Variants in GMCL1 observed in about 807,000 individuals in gnomAD.
GMCL1 encodes germ cell-less protein-like 1.
In GMCL1, 54 loss-of-function variants were observed where a neutral mutation model predicts 75.5. The observed-to-expected ratio is 0.71, with a 90% confidence interval of 0.57 to 0.90. The LOEUF is 0.90. Ranked by LOEUF, GMCL1 falls within the 40% of genes least tolerant of loss-of-function variation. The pLI, the probability that GMCL1 is intolerant of heterozygous loss-of-function variation, is 0.00. For missense variants in GMCL1, 537 were observed against 622.7 expected, an observed-to-expected ratio of 0.86 and a Z score of 1.47; for synonymous variants, 210 against 209.6, an observed-to-expected ratio of 1.00 and a Z score of -0.02.
chr2:69,870,339 A>G (rs1675949714), intron 12 of GMCL1, among the ~76,000 whole-genome samples: 1 of 152,092 alleles, frequency 6.6e-6, no homozygotes, highest in African/African-American at 2.4e-5. Flanking sequence ...TACTTACCTT[A>G]CACCAAATAC....
chr2:69,865,376 G>T (rs545529143), intron 11 of GMCL1, among the ~76,000 whole-genome samples: 1 of 152,116 alleles, frequency 6.6e-6, no homozygotes, highest in Non-Finnish European at 1.5e-5. Context: ...GGCCAGGTGC[G>T]GTGGCTCACG....
intron 9 of GMCL1, among the ~76,000 whole-genome samples, chr2:69,857,697 C>G (rs1675518003): frequency 6.6e-6 from 1 of 152,192 alleles, no homozygotes; most frequent in South Asian, 2.1e-4. Flanking sequence ...ACAGAATACT[C>G]TTATTTGTCC....
intron 13 of GMCL1, 110 bp downstream of exon 13, chr2:69,871,942 G>A: frequency 1.4e-6 from 1 of 719,006 alleles, no homozygotes; most frequent in Admixed American, 3.2e-5. Flanking sequence ...TGACCTAAAA[G>A]TTGGTTTAAA....
At chr2:69,840,545 T>C (rs1333423883) in intron 3 of GMCL1, among the ~76,000 whole-genome samples, 1 of 152,236 alleles carries the variant, frequency 6.6e-6, no homozygotes, top group Admixed American at 6.5e-5. Context: ...TCAGGAGCTG[T>C]ACCACATTTC....
Position 69,840,327 on chromosome 2 carries a change from G to A in GMCL1, c.482-615G>A, listed in dbSNP as rs543995435. ...TGGGAGGCTGAGGCAGGAGAATGGC[G>A]TGAACCCGGGAGGCAGAGCTTGCAG... On this transcript the variant is annotated intron_variant, in intron 3 of 13. Coordinates refer to ENST00000282570, the MANE Select transcript of GMCL1 (RefSeq NM_178439.5). 3.3e-4 allele frequency among the ~76,000 whole-genome samples: 50 copies of A among 151,792 alleles called. 1 individual carries two copies. The East Asian group carries it at 8.3e-3, about 25-fold the overall frequency.
At chr2:69,878,084 C>G (rs948550457) in intron 13 of GMCL1, among the ~76,000 whole-genome samples, 6 of 152,158 alleles carry the variant, frequency 3.9e-5, no homozygotes, top group African/African-American at 1.4e-4. Context: ...AAACAGAGAT[C>G]TGTAGCATCA....
intron 1 of GMCL1, 117 bp downstream of exon 1, chr2:69,830,269 T>C: frequency 1.5e-6 from 2 of 1,315,458 alleles, no homozygotes; most frequent in Non-Finnish European, 2.0e-6. Flanking sequence ...AGAGGGGACG[T>C]GCCCTTGACA....
intron 9 of GMCL1, among the ~76,000 whole-genome samples, chr2:69,860,456 A>C (rs1173591660): frequency 6.6e-6 from 1 of 152,094 alleles, no homozygotes; most frequent in Non-Finnish European, 1.5e-5. Context: ...ATCTAAATCT[A>C]ATATTCTAGA....
intron 9 of GMCL1, among the ~76,000 whole-genome samples, chr2:69,857,247 TCA>T (rs1351241018): frequency 6.6e-6 from 1 of 152,210 alleles, no homozygotes; most frequent in Admixed American, 6.5e-5. Flanking sequence ...TAGGTCACTC[TCA>T]CAGTTGTCTT....
At chr2:69,872,491 G>A (rs148422182) in intron 13 of GMCL1, among the ~76,000 whole-genome samples, 42 of 152,306 alleles carry the variant, frequency 2.8e-4, no homozygotes, top group Middle Eastern at 3.4e-3. Context: ...TTCAAAGCCT[G>A]TTATAGTTTA....
intron 9 of GMCL1, among the ~76,000 whole-genome samples, chr2:69,860,497 C>T (rs1043918666): frequency 1.3e-5 from 2 of 151,698 alleles, no homozygotes; most frequent in African/African-American, 2.4e-5. Flanking sequence ...GTTTCATCTA[C>T]GAATTTAGGG....
At chr2:69,855,374 A>G in intron 9 of GMCL1, among the ~76,000 whole-genome samples, 1 of 151,976 alleles carries the variant, frequency 6.6e-6, no homozygotes, top group South Asian at 2.1e-4. Context: ...GTTGAAGCAA[A>G]TGTGTCTTTG....
chr2:69,878,158 T>C (rs1432735707), intron 13 of GMCL1, among the ~76,000 whole-genome samples: 1 of 152,194 alleles, frequency 6.6e-6, no homozygotes, highest in Non-Finnish European at 1.5e-5. Context: ...CTTGTGTGTG[T>C]TGATGTAACT....
chr2:69,845,047 G>A (rs1675096766), intron 6 of GMCL1: 1 of 157,014 alleles, frequency 6.4e-6, no homozygotes, highest in Non-Finnish European at 1.4e-5. Context: ...TGGGAGGATT[G>A]CTTGAATCTA....
chr2:69,865,815 C>G (rs1316532462), intron 11 of GMCL1, among the ~76,000 whole-genome samples: 2 of 152,146 alleles, frequency 1.3e-5, no homozygotes, highest in East Asian at 3.9e-4. Context: ...TGTCACCCAA[C>G]CTGGAGTGCA....
At position 69,871,842 on chromosome 2, in the gene GMCL1, A is replaced by G. The variant is rs572761483; in HGVS notation, c.1452+10A>G. The G allele has an allele frequency of 2.7e-6, 4 of 1,459,058 alleles. No homozygotes were observed. The highest frequency in any genetic ancestry group is 1.9e-6 in the Non-Finnish European group (2 of 1,055,120). 90.4% of individuals were successfully genotyped at this position (1,459,058 alleles called of 1,614,324 possible). A position where few individuals can be genotyped will look rare whatever the true frequency, so the allele number is the denominator to read the frequency against. ...ACTTGAAAAGGATCAGGTATGTTCG[A>G]TTATCTTCTGGTATGTCATCATAAT... On this transcript the variant is annotated intron_variant, in intron 13 of 13. Transcript: ENST00000282570.
intron 9 of GMCL1, among the ~76,000 whole-genome samples, chr2:69,859,904 A>G (rs571897397): frequency 6.6e-6 from 1 of 152,182 alleles, no homozygotes; most frequent in African/African-American, 2.4e-5. Context: ...AGATTGAGAA[A>G]TAATTTAAGA....
chr2:69,855,750 G>T (rs1489033566), intron 9 of GMCL1, among the ~76,000 whole-genome samples: 1 of 152,118 alleles, frequency 6.6e-6, no homozygotes, highest in Non-Finnish European at 1.5e-5. Context: ...TACTGTTTAA[G>T]TCACAAATTC....
chr2:69,841,022 G>C lies in GMCL1; in HGVS notation c.562G>C (p.Ala188Pro). The C allele has an allele frequency of 6.2e-7, 1 of 1,613,224 alleles. No individual in the cohort carries two copies. The highest frequency in any genetic ancestry group is 8.5e-7 in the Non-Finnish European group (1 of 1,179,160). ...PSRVVAILAA[A>P]CLLQLDGLIQ... ...TCGAGTTGTTGCCATTTTGGCAGCA[G>C]CTTGTTTGCTGCAGTTGGTAAGTAT... Residue 188 changes from alanine to proline, a missense_variant, in exon 4 of 14, where the codon GCT becomes CCT. Physicochemically the swap from Ala to Pro is conservative, Grantham distance 27. This residue lies in a region of GMCL1 where 345 missense variants were observed against 410.5 expected (regional missense o/e 0.84). Transcript: ENST00000282570.
Sources: allele counts gnomAD v4.1 joint callset (sites outside exome capture counted in the v4.1 genomes callset), GRCh38; gene constraint gnomAD v4.1.1; regional missense constraint gnomAD v4.1.1; transcripts MANE v1.5; gene names NCBI Gene and HGNC (gene_info 2026-07-23, HGNC 2026-07-21).